ATAD2B: variants seen among roughly 807,000 people sequenced by gnomAD.
The protein encoded by ATAD2B is ATPase family AAA domain containing 2B.
ATAD2B carries 40 observed loss-of-function variants against 167.6 expected under a neutral mutation model. The observed-to-expected ratio is 0.24, with a 90% CI of 0.19 to 0.31. The LOEUF (loss-of-function observed/expected upper bound fraction) is 0.31, where lower values mean the gene tolerates loss of function less well. Among genes scored for constraint, ATAD2B ranks in the 10% least tolerant of loss-of-function variants. The pLI, the probability that ATAD2B is intolerant of heterozygous loss-of-function variation, is 1.00. For missense variants in ATAD2B, 1,242 were observed against 1,757.2 expected (o/e 0.71, Z 5.24); for synonymous variants, 579 against 596.5 (o/e 0.97, Z 0.43).
At chr2:23,841,739 C>T (rs1690948376) in intron 13 of ATAD2B, among the ~76,000 whole-genome samples, 1 of 152,144 alleles carries the variant, frequency 6.6e-6, no homozygotes, top group Non-Finnish European at 1.5e-5. Flanking sequence ...TGATCTCAAA[C>T]TCCTAGGCTC....
chr2:23,872,656 G>A, intron 8 of ATAD2B: 1 of 1,347,114 alleles, frequency 7.4e-7, no homozygotes, highest in Non-Finnish European at 1.1e-6. Context: ...GAACATCATA[G>A]GAGAGCCTCC....
intron 19 of ATAD2B, among the ~76,000 whole-genome samples, chr2:23,791,390 G>A (rs1231817767): frequency 6.6e-6 from 1 of 151,972 alleles, no homozygotes; most frequent in Non-Finnish European, 1.5e-5. Flanking sequence ...CAGTATATAA[G>A]GACTCCAGTT....
the ATAD2B span, chr2:23,707,085 T>G: frequency 6.5e-6 from 1 of 154,322 alleles, no homozygotes; most frequent in Non-Finnish European, 1.4e-5. Flanking sequence ...AGTGTCCTTA[T>G]CACTTTGATT....
intron 22 of ATAD2B, among the ~76,000 whole-genome samples, chr2:23,773,349 T>A (rs990509226): frequency 1.1e-4 from 16 of 151,696 alleles, no homozygotes; most frequent in Non-Finnish European, 1.9e-4. Context: ...CTGCAAAAAA[T>A]TAAAAAGTTA....
intron 12 of ATAD2B, among the ~76,000 whole-genome samples, chr2:23,862,617 T>A (rs1694570650): frequency 6.6e-6 from 1 of 152,130 alleles, no homozygotes; most frequent in South Asian, 2.1e-4. Flanking sequence ...ATCTTTAAAG[T>A]TTTTGTTACA....
At chr2:23,733,673 C>T in the ATAD2B span, among the ~76,000 whole-genome samples, 1 of 152,128 alleles carries the variant, frequency 6.6e-6, no homozygotes, top group East Asian at 1.9e-4. Flanking sequence ...AACATCCAAT[C>T]ACCCAGGCAG....
In ATAD2B at chr2:23,926,486, G is replaced by A. The variant is rs1704850283; in HGVS notation, c.216+69C>T. The A allele has an allele frequency of 3.3e-6, 5 of 1,505,204 alleles. No homozygotes were observed. In the South Asian group the frequency reaches 5.1e-5, roughly 15 times the overall value. The allele number at this position is 1,505,204 out of a possible 1,614,324, so 93.2% of individuals were successfully genotyped here. On this transcript the variant is annotated intron_variant, in intron 1 of 27. Coordinates refer to ENST00000238789, the MANE Select transcript of ATAD2B (RefSeq NM_017552.4). ...ACTGTAGGCTTCCTACCCCCAACCC[G>A]GCCAGACAAAGCCCCGGCAGCAGGG...
intron 19 of ATAD2B, among the ~76,000 whole-genome samples, chr2:23,797,827 TC>T (rs1219020235): frequency 6.6e-6 from 1 of 152,146 alleles, no homozygotes; most frequent in Non-Finnish European, 1.5e-5. Context: ...TGGCTTCATG[TC>T]AGCACTCAAA....
intron 22 of ATAD2B, among the ~76,000 whole-genome samples, chr2:23,773,327 G>C (rs533059319): frequency 3.9e-5 from 6 of 152,204 alleles, no homozygotes; most frequent in African/African-American, 1.4e-4. Flanking sequence ...GCAACATAGG[G>C]AGACCCCATC....
At chr2:23,703,089 G>C in the ATAD2B span, 1 of 862,654 alleles carries the variant, frequency 1.2e-6, no homozygotes, top group Non-Finnish European at 1.6e-6. Flanking sequence ...GCCATGCTGA[G>C]GGCGAGGAGC....
At chr2:23,790,418 C>A (rs901475635) in intron 19 of ATAD2B, among the ~76,000 whole-genome samples, 1 of 152,088 alleles carries the variant, frequency 6.6e-6, no homozygotes, top group African/African-American at 2.4e-5. Context: ...CGATTTCGTT[C>A]AAGAATGGCA....
intron 19 of ATAD2B, among the ~76,000 whole-genome samples, chr2:23,794,908 G>A (rs553056976): frequency 3.3e-5 from 5 of 152,116 alleles, no homozygotes; most frequent in South Asian, 4.2e-4. Flanking sequence ...CAAACTTATC[G>A]TGGGGACTAT....
intron 6 of ATAD2B, among the ~76,000 whole-genome samples, chr2:23,881,191 C>G (rs111999291): frequency 2.0e-5 from 3 of 152,046 alleles, no homozygotes; most frequent in African/African-American, 7.2e-5. Flanking sequence ...AATGTTACAG[C>G]AAGAGCAACT....
chr2:23,908,485 C>G (rs1278704159), intron 1 of ATAD2B, among the ~76,000 whole-genome samples: 1 of 152,150 alleles, frequency 6.6e-6, no homozygotes, highest in Non-Finnish European at 1.5e-5. Context: ...AGTCAGAAAA[C>G]AACAGGTGCT....
At chr2:23,760,191 T>C (rs1426860232) in intron 24 of ATAD2B, among the ~76,000 whole-genome samples, 3 of 152,142 alleles carry the variant, frequency 2.0e-5, no homozygotes, top group Non-Finnish European at 4.4e-5. Flanking sequence ...GGACTGGAGG[T>C]ATTTTTCTCT....
chr2:23,820,211 A>C (rs557698622), intron 16 of ATAD2B, among the ~76,000 whole-genome samples: 1 of 152,260 alleles, frequency 6.6e-6, no homozygotes, highest in African/African-American at 2.4e-5. Context: ...CTCTGAGTTA[A>C]TTTTGACCAA....
chr2:23,857,739 A>ATTTTTTTTTTTTTT, intron 12 of ATAD2B, among the ~76,000 whole-genome samples: 1 of 120,658 alleles, frequency 8.3e-6, no homozygotes, highest in Non-Finnish European at 1.7e-5. Flanking sequence ...ACCAAAGTGT[A>ATTTTTTTTTTTTTT]TTTTTTTTTT....
At chr2:23,861,159 T>C (rs1264637832) in intron 12 of ATAD2B, among the ~76,000 whole-genome samples, 5 of 150,904 alleles carry the variant, frequency 3.3e-5, no homozygotes, top group African/African-American at 9.7e-5. Flanking sequence ...CTTTTTTTTT[T>C]TTTTTATAAC....
chr2:23,780,267 T>TTGTG (rs67788174), intron 22 of ATAD2B, among the ~76,000 whole-genome samples: 8,394 of 143,998 alleles, frequency 0.058, 275 homozygotes, highest in African/African-American at 0.078. Context: ...AAGTATATAC[T>TTGTG]TGTGTGTGTG....
Sources: gnomAD v4.1 joint callset for allele counts (sites outside exome capture counted in the v4.1 genomes callset) on GRCh38, gnomAD v4.1.1 for gene constraint, MANE v1.5 for transcripts, NCBI Gene and HGNC (gene_info 2026-07-23, HGNC 2026-07-21) for gene names.